The following TMEM184A variants were observed in gnomAD, a reference collection of about 807,000 sequenced individuals.
TMEM184A encodes transmembrane protein 184A, also known as sexually dimorphic, expressed in male gonads 1.
TMEM184A carries 40 observed loss-of-function variants against 39.5 expected under a neutral mutation model. The observed-to-expected ratio is 1.01, with a 90% CI of 0.79 to 1.32. The LOEUF (loss-of-function observed/expected upper bound fraction) is 1.32. Ranked by LOEUF, TMEM184A falls within the 40% of genes most tolerant of loss-of-function variation. TMEM184A has a pLI of 0.00. For missense variants in TMEM184A, 603 were observed against 568.8 expected (o/e 1.06, Z -0.61); for synonymous variants, 280 against 252.3 (o/e 1.11, Z -1.04).
intron 6 of TMEM184A, chr7:1,549,575 A>G (rs1287736847): frequency 7.2e-6 from 4 of 558,982 alleles, no homozygotes; most frequent in Middle Eastern, 2.8e-4. Context: ...GGGGAGGTCC[A>G]GGCCCCCGGC....
At position 1,555,805 on chromosome 7, in the gene TMEM184A, G is replaced by A. The variant is rs1274556635; in HGVS notation, c.-1+309C>T. ...AGGGGACAAAGACCGTCTTCCAGTG[G>A]GGCAGAAGAGGGGGAACCCCTGCCG... is the stretch of plus-strand genomic sequence containing the variant. On this transcript the variant is annotated intron_variant, in intron 1 of 8. Coordinates refer to ENST00000297477, the MANE Select transcript of TMEM184A (RefSeq NM_001097620.2). The surrounding 1 kb of genome is among the most constrained non-coding windows in gnomAD (Gnocchi z 5.2). Among the ~76,000 whole-genome samples, 1 of 152,196 alleles carries A rather than the reference G, an allele frequency of 6.6e-6. No individual in the cohort carries two copies. The highest frequency in any genetic ancestry group is 2.4e-5 in the African/African-American group (1 of 41,450).
In TMEM184A at chr7:1,549,918, G is replaced by A; in HGVS notation, c.580C>T (p.Pro194Ser). The stretch of plus-strand genomic sequence containing the variant: ...ATGATGGTGGTGACGGCCATGACGG[G>A]CTTCACCAGGCAGAACTGCAGAGTG... Reference protein sequence around the residue: ...QATLQFCLVKPVMAVTTIILQ... With the variant: ...QATLQFCLVKSVMAVTTIILQ... Residue 194 changes from proline (P) to serine (S), a missense_variant, in exon 6 of 9, where the codon CCC becomes TCC. By Grantham distance (74) the Pro-to-Ser change is moderately conservative (BLOSUM62 -1). Coordinates refer to ENST00000297477, the MANE Select transcript of TMEM184A (RefSeq NM_001097620.2). 1 of 1,612,830 alleles carries A rather than the reference G, an allele frequency of 6.2e-7. No homozygotes were observed. Among genetic ancestry groups the A allele is most frequent in the Non-Finnish European group, 8.5e-7 (1 of 1,179,560 alleles).
rs945690223 is a variant in TMEM184A at position 1,543,988 on chromosome 7, C to T, written c.*2964G>A. 1 of 152,344 alleles carries T rather than the reference C, an allele frequency of 6.6e-6. No homozygotes were observed. The highest frequency in any genetic ancestry group is 2.4e-5 in the African/African-American group (1 of 41,444). 9.4% of individuals were successfully genotyped at this position (152,344 alleles called of 1,614,324 possible). ...TGGGGCCAGTTCCCTCCTTCCCAGC[C>T]TTGCTTCCTGTGAGTTGGGTGTGGA... is the stretch of plus-strand genomic sequence containing the variant. On this transcript the variant is annotated 3_prime_UTR_variant, in exon 9 of 9. Transcript: ENST00000297477.
rs1784258278 is a variant in TMEM184A, at chr7:1,543,703, A to G, written c.*3249T>C. On this transcript the variant is annotated 3_prime_UTR_variant, in exon 9 of 9. Transcript: ENST00000297477. The stretch of plus-strand genomic sequence containing the variant: ...GAGTGCAGGGGCGTGATCACAGTTC[A>G]CTGCAGCCTCGACCTCCCAGGCTCA... The G allele has an allele frequency of 6.6e-6, 1 of 152,358 alleles. No individual in the cohort carries two copies. The highest frequency in any genetic ancestry group is 6.6e-5 in the Admixed American group (1 of 15,264). 9.4% of individuals were successfully genotyped at this position (152,358 alleles called of 1,614,324 possible).
chr7:1,550,226 G>C (rs761110878), intron 4 of TMEM184A, 28 bp from the exon 5 acceptor site: 1 of 1,605,306 alleles, frequency 6.2e-7, no homozygotes, highest in Non-Finnish European at 8.5e-7. Context: ...GAGCCGGTGC[G>C]GGAGAATGCA....
At position 1,545,475 on chromosome 7, in the gene TMEM184A, A is replaced by T. The variant is rs991276272; in HGVS notation, c.*1477T>A. 5.2e-5 allele frequency: 8 copies of T among 153,118 alleles called. No individual in the cohort carries two copies. Among genetic ancestry groups the T allele is most frequent in the African/African-American group, 1.7e-4 (7 of 41,564 alleles). 9.5% of individuals were successfully genotyped at this position (153,118 alleles called of 1,614,324 possible). ...ACCGTGGCCATGGGTGGGGGGCAGCACGGGTGGGAGCCGCGGTCCCGGGGT... is the reference window on the plus strand; with the variant it reads ...ACCGTGGCCATGGGTGGGGGGCAGCTCGGGTGGGAGCCGCGGTCCCGGGGT... On this transcript the variant is annotated 3_prime_UTR_variant, in exon 9 of 9. Coordinates refer to ENST00000297477, the MANE Select transcript of TMEM184A (RefSeq NM_001097620.2).
At chr7:1,550,251 G>A (rs1784535968) in intron 4 of TMEM184A, 53 bp from the exon 5 acceptor site, 4 of 1,607,298 alleles carry the variant, frequency 2.5e-6, no homozygotes, top group African/African-American at 1.3e-5. Context: ...CGGCGCCGCC[G>A]GGCTCCCTGT....
In TMEM184A at chr7:1,545,613, C is replaced by T; in HGVS notation, c.*1339G>A. The T allele has an allele frequency of 6.5e-6, 1 of 152,890 alleles. No individual in the cohort carries two copies. 9.5% of individuals were successfully genotyped at this position (152,890 alleles called of 1,614,324 possible). On this transcript the variant is annotated 3_prime_UTR_variant, in exon 9 of 9. Coordinates refer to ENST00000297477, the MANE Select transcript of TMEM184A (RefSeq NM_001097620.2). ...CCCCACCCAACCTGTGCTGCGGGCC[C>T]CAGACACACAGAACTGACTGCCACC... is the stretch of plus-strand genomic sequence containing the variant.
rs563492057 is a variant in TMEM184A at position 1,548,829 on chromosome 7, C to T, written c.645-141G>A. 2.7e-3 allele frequency: 2,735 copies of T among 997,494 alleles called. 6 individuals carry two copies. Among genetic ancestry groups the T allele is most frequent in the Non-Finnish European group, 3.7e-3 (2,388 of 653,188 alleles). The allele number at this position is 997,494 out of a possible 1,614,324, so 61.8% of individuals were successfully genotyped here. On this transcript the variant is annotated intron_variant, in intron 6 of 8. Transcript: ENST00000297477. ...GGCCCTGCAGGGATCCTGCCCCGAT[C>T]TGATCCTCACTCCAGGGCCTGCAGG... is the stretch of plus-strand genomic sequence containing the variant.
Position 1,544,246 on chromosome 7 carries a change from G to A in TMEM184A, c.*2706C>T, listed in dbSNP as rs563685055. On this transcript the variant is annotated 3_prime_UTR_variant, in exon 9 of 9. Transcript: ENST00000297477. The stretch of plus-strand genomic sequence containing the variant: ...CCTGTGTGGGGCTCCTGGAGGCTGC[G>A]GACAGACGGGGAAGCTGTGAAAGGA... 7.9e-5 allele frequency: 12 copies of A among 152,346 alleles called. No homozygotes were observed. The highest frequency in any genetic ancestry group is 3.9e-4 in the East Asian group (2 of 5,172). 9.4% of individuals were successfully genotyped at this position (152,346 alleles called of 1,614,324 possible).
chr7:1,548,955 C>A, intron 6 of TMEM184A: 2 of 625,576 alleles, frequency 3.2e-6, no homozygotes, highest in Non-Finnish European at 5.9e-6. Context: ...TCCCAGGATC[C>A]TGTCCACTGC....
At chr7:1,553,612 G>A (rs576997986) in intron 2 of TMEM184A, among the ~76,000 whole-genome samples, 2 of 152,140 alleles carry the variant, frequency 1.3e-5, no homozygotes, top group African/African-American at 4.8e-5. Context: ...GCACCTGGCC[G>A]CTTGGGGTGC....
rs548246825 is a variant in TMEM184A at position 1,547,754 on chromosome 7, CCTT to C, written c.997_999del (p.Lys333del). ...AGGCAGGGTGTACCTGGTGAATTCTCCTTCTTCTCTGCGTACACCTGGCAGGGG... is the reference window on the plus strand; with the variant it reads ...AGGCAGGGTGTACCTGGTGAATTCTCCTTCTCTGCGTACACCTGGCAGGGG... On this transcript the variant is annotated inframe_deletion, in exon 8 of 9. Coordinates refer to ENST00000297477, the MANE Select transcript of TMEM184A (RefSeq NM_001097620.2). The C allele has an allele frequency of 3.8e-5, 62 of 1,612,394 alleles. 2 individuals carry two copies. In the South Asian group the frequency reaches 5.2e-4, roughly 13 times the overall value.
chr7:1,552,555 G>T lies in TMEM184A; in HGVS notation c.220-1573C>A, dbSNP rs57074566. On this transcript the variant is annotated intron_variant, in intron 2 of 8. Transcript: ENST00000297477. ...AATAAGTTCCTTGGGCATGAGTGAGGGTCCTGTTTGTTCTTAGCCTGGGAA... is the reference window on the plus strand; with the variant it reads ...AATAAGTTCCTTGGGCATGAGTGAGTGTCCTGTTTGTTCTTAGCCTGGGAA... Among the ~76,000 whole-genome samples, 739 of 150,884 alleles carry T rather than the reference G, an allele frequency of 4.9e-3. 6 individuals are homozygous for T. The highest frequency in any genetic ancestry group is 0.017 in the African/African-American group (682 of 40,996).
In TMEM184A at chr7:1,550,800, C is replaced by T. The variant is rs756557795; in HGVS notation, c.385+17G>A. On this transcript the variant is annotated intron_variant, in intron 3 of 8. Coordinates refer to ENST00000297477, the MANE Select transcript of TMEM184A (RefSeq NM_001097620.2). ...CTCTCCCTCCGCTCCCCCGACCTGACGCAGCCTGGCGCCCACCTTCGTAGC... is the reference window on the plus strand; with the variant it reads ...CTCTCCCTCCGCTCCCCCGACCTGATGCAGCCTGGCGCCCACCTTCGTAGC... The T allele has an allele frequency of 8.1e-6, 13 of 1,610,944 alleles. No homozygotes were observed. Among genetic ancestry groups the T allele is most frequent in the East Asian group, 2.2e-5 (1 of 44,826 alleles).
In TMEM184A at chr7:1,550,962, G is replaced by A. The variant is rs536350200; in HGVS notation, c.240C>T (p.Ser80=). 41 of 1,613,220 alleles carry A rather than the reference G, an allele frequency of 2.5e-5. No individual in the cohort carries two copies. In the South Asian group the frequency reaches 4.5e-4, roughly 18 times the overall value. ...TCHQIYLHLR[S]YTVPQEQRYI... is the part of the protein sequence containing the mutation. ...AACGTTGCTCCTGTGGCACGGTGTA[G>A]GAGCGCAGGTGCAGATAGATCTGGG... The change falls in exon 3 of 9, where the codon TCC becomes TCT. Residue 80 remains serine (S), a synonymous_variant. Transcript: ENST00000297477.
At chr7:1,553,719 A>G (rs1784692176) in intron 2 of TMEM184A, among the ~76,000 whole-genome samples, 1 of 152,184 alleles carries the variant, frequency 6.6e-6, no homozygotes, top group South Asian at 2.1e-4. Context: ...ACCAGCCATC[A>G]GGAGACCTCT....
At position 1,543,972 on chromosome 7, in the gene TMEM184A, T is replaced by C. The variant is rs766762425; in HGVS notation, c.*2980A>G. The C allele has an allele frequency of 6.6e-6, 1 of 152,298 alleles. No homozygotes were observed. Among genetic ancestry groups the C allele is most frequent in the Non-Finnish European group, 1.5e-5 (1 of 68,108 alleles). The allele number at this position is 152,298 out of a possible 1,614,324, so 9.4% of individuals were successfully genotyped here. On this transcript the variant is annotated 3_prime_UTR_variant, in exon 9 of 9. Coordinates refer to ENST00000297477, the MANE Select transcript of TMEM184A (RefSeq NM_001097620.2). Reference sequence around the variant, plus strand: ...CAGCATCTGTGTGGCCTGGGGCCAGTTCCCTCCTTCCCAGCCTTGCTTCCT... The same window carrying C: ...CAGCATCTGTGTGGCCTGGGGCCAGCTCCCTCCTTCCCAGCCTTGCTTCCT...
chr7:1,550,416 G>A (rs530159700), intron 3 of TMEM184A, 21 bp from the exon 4 acceptor site: 7 of 1,589,530 alleles, frequency 4.4e-6, no homozygotes, highest in Middle Eastern at 3.3e-4. Flanking sequence ...CACAGAGGGG[G>A]ACCGGCTGTG....
Sources: gnomAD v4.1 joint callset for allele counts (sites outside exome capture counted in the v4.1 genomes callset) on GRCh38, gnomAD v4.1.1 for gene constraint, Gnocchi (gnomAD v3.1) non-coding constraint, MANE v1.5 for transcripts, NCBI Gene and HGNC (gene_info 2026-07-23, HGNC 2026-07-21) for gene names.